PSMG2: variants seen among roughly 807,000 people sequenced by gnomAD.
PSMG2 encodes the protein CD40 ligand-activated specific transcript 3.
A neutral mutation model predicts 31.5 loss-of-function variants in PSMG2; 21 were observed. That is an observed-to-expected ratio of 0.67 (90% CI 0.47 to 0.96). The LOEUF is 0.96. Ranked by LOEUF, PSMG2 falls within the 40% of genes least tolerant of loss-of-function variation. The pLI, the probability that PSMG2 is intolerant of heterozygous loss-of-function variation, is 0.00. For missense variants in PSMG2, 318 were observed against 321.2 expected, an observed-to-expected ratio of 0.99 and a Z score of 0.08; for synonymous variants, 120 against 110.4, an observed-to-expected ratio of 1.09 and a Z score of -0.54.
upstream of PSMG2, among the ~76,000 whole-genome samples, chr18:12,702,041 G>A (rs1461757612): frequency 6.6e-6 from 1 of 152,122 alleles, no homozygotes; most frequent in Non-Finnish European, 1.5e-5. Flanking sequence ...GCGGAGAATC[G>A]CTTAAACCTG....
intron 1 of PSMG2, among the ~76,000 whole-genome samples, chr18:12,689,838 G>A (rs1328470505): frequency 6.6e-6 from 1 of 152,136 alleles, no homozygotes; most frequent in Non-Finnish European, 1.5e-5. Flanking sequence ...TGCCCAGGCT[G>A]GAGTGCAATG....
intron 3 of PSMG2, among the ~76,000 whole-genome samples, chr18:12,713,021 T>C (rs768819086): frequency 7.2e-5 from 11 of 152,244 alleles, no homozygotes; most frequent in Non-Finnish European, 1.3e-4. Context: ...AGCATATTAA[T>C]ATTAGAGGTT....
chr18:12,720,368 CAG>C (rs1160555909), intron 4 of PSMG2, 140 bp from the exon 5 acceptor site: 6 of 633,132 alleles, frequency 9.5e-6, no homozygotes, highest in Non-Finnish European at 1.5e-5. Flanking sequence ...AGTAGCAAAT[CAG>C]AGCAATATTT....
chr18:12,692,276 A>C (rs2039793144), intron 1 of PSMG2: 1 of 151,548 alleles, frequency 6.6e-6, no homozygotes. Flanking sequence ...AGTTCATGCC[A>C]CCGTGCTCCA....
intron 1 of PSMG2, among the ~76,000 whole-genome samples, chr18:12,703,754 T>G (rs1291241454): frequency 6.6e-6 from 1 of 152,150 alleles, no homozygotes; most frequent in Non-Finnish European, 1.5e-5. Context: ...AGAAAGGTCC[T>G]GAGATAATTG....
intron 3 of PSMG2, among the ~76,000 whole-genome samples, chr18:12,712,987 G>A (rs903076208): frequency 6.6e-5 from 10 of 152,056 alleles, no homozygotes; most frequent in African/African-American, 2.4e-4. Flanking sequence ...TTTTCAGTTC[G>A]GGTAGCATTG....
At chr18:12,695,534 G>A (rs1002284253) in intron 1 of PSMG2, among the ~76,000 whole-genome samples, 1 of 151,920 alleles carries the variant, frequency 6.6e-6, no homozygotes, top group African/African-American at 2.4e-5. Context: ...TTAAACAAAG[G>A]TGTTTAATTA....
chr18:12,686,001 T>A, intron 1 of PSMG2: 1 of 290,594 alleles, frequency 3.4e-6, no homozygotes, highest in Non-Finnish European at 6.5e-6. Flanking sequence ...TCTAAATTGT[T>A]TAAAAATCTC....
At chr18:12,724,419 G>T (rs778239206) in intron 5 of PSMG2, 80 bp from the exon 6 acceptor site, 6 of 1,359,420 alleles carry the variant, frequency 4.4e-6, no homozygotes, top group African/African-American at 1.5e-5. Flanking sequence ...GTAGGTTATC[G>T]TAGCTGTAAA....
At chr18:12,701,009 A>G, upstream of PSMG2, 1 of 1,613,938 alleles carries the variant, frequency 6.2e-7, no homozygotes, top group Middle Eastern at 1.7e-4. Flanking sequence ...CTCGACGTCT[A>G]AGGGCTTTGA....
At chr18:12,702,070 G>C (rs746204764), upstream of PSMG2, among the ~76,000 whole-genome samples, 12 of 152,188 alleles carry the variant, frequency 7.9e-5, no homozygotes, top group Non-Finnish European at 1.5e-4. Context: ...AGGTTGCAGT[G>C]AGCCGAGATC....
chr18:12,668,323 C>G (rs2038847894), intron 1 of PSMG2, among the ~76,000 whole-genome samples: 1 of 151,538 alleles, frequency 6.6e-6, no homozygotes, highest in Non-Finnish European at 1.5e-5. Flanking sequence ...TGGGTGCCGT[C>G]GCAGATGCCA....
chr18:12,673,001 T>C (rs1225667100), intron 1 of PSMG2: 2 of 994,184 alleles, frequency 2.0e-6, no homozygotes, highest in Non-Finnish European at 2.4e-6. Flanking sequence ...CATACTGATT[T>C]GTCTAGGGCT....
intron 1 of PSMG2, among the ~76,000 whole-genome samples, chr18:12,682,509 A>G (rs1273330178): frequency 1.3e-5 from 2 of 152,146 alleles, no homozygotes; most frequent in Non-Finnish European, 2.9e-5. Flanking sequence ...TTTCTCCAAA[A>G]AATTGGATTT....
chr18:12,665,719 CAG>C (rs2038788607), intron 1 of PSMG2, among the ~76,000 whole-genome samples: 1 of 152,056 alleles, frequency 6.6e-6, no homozygotes, highest in African/African-American at 2.4e-5. Flanking sequence ...TTTTTTGAGA[CAG>C]AGTCTTGCTC....
Position 12,696,418 on chromosome 18 carries a change from G to A in PSMG2, c.-36-10132G>A, listed in dbSNP as rs1314123885. Among the ~76,000 whole-genome samples the A allele has an allele frequency of 2.6e-5, 4 of 152,034 alleles. No individual in the cohort carries two copies. The East Asian group carries it at 5.8e-4, about 22-fold the overall frequency. On this transcript the variant is annotated intron_variant, in intron 1 of 6. Coordinates refer to the PSMG2 transcript ENST00000585331. ...CTTAGCAGGCTGAGCCAGTATAATC[G>A]CTTGAACCCAGGAGGCGGGGGTTGC...
intron 1 of PSMG2, chr18:12,678,198 G>C: frequency 6.2e-7 from 1 of 1,614,152 alleles, no homozygotes; most frequent in Non-Finnish European, 8.5e-7. Flanking sequence ...CACAGAGGTG[G>C]AAAGGGAGGA....
intron 1 of PSMG2, chr18:12,678,000 G>C (rs1350760037): frequency 8.9e-6 from 7 of 783,732 alleles, no homozygotes; most frequent in African/African-American, 1.7e-5. Flanking sequence ...GACTGTAGTT[G>C]TTTTGTTCAG....
rs1337314132 is a variant in PSMG2, at chr18:12,690,745, G to A, written c.-36-15805G>A. 7.9e-5 allele frequency among the ~76,000 whole-genome samples: 12 copies of A among 152,084 alleles called. 1 individual carries two copies. The highest frequency in any genetic ancestry group is 1.9e-4 in the East Asian group (1 of 5,196). On this transcript the variant is annotated intron_variant, in intron 1 of 6. Coordinates refer to the PSMG2 transcript ENST00000585331. ...GCTGGGATTACAGGCGTGAGCCACC[G>A]CGCCTAGCTGACCTGACCATATATT...
Sources: allele counts gnomAD v4.1 joint callset (sites outside exome capture counted in the v4.1 genomes callset), GRCh38; gene constraint gnomAD v4.1.1; transcripts MANE v1.5; gene names NCBI Gene and HGNC (gene_info 2026-07-23, HGNC 2026-07-21).